The following ALDH1L2 variants were observed in gnomAD, a reference collection of about 807,000 sequenced individuals.
ALDH1L2 encodes aldehyde dehydrogenase 1 family member L2.
In ALDH1L2, 91 loss-of-function variants were observed where a neutral mutation model predicts 111.0. That is an observed-to-expected ratio of 0.82 (90% confidence interval 0.69 to 0.98). ALDH1L2 has a LOEUF of 0.98. ALDH1L2 is among the 50% of genes least tolerant of loss of function. ALDH1L2 has a pLI of 0.00. For synonymous variants in ALDH1L2, 374 were observed against 392.6 expected (o/e 0.95, Z 0.56); for missense variants, 995 against 1,126.8 (o/e 0.88, Z 1.67).
intron 5 of ALDH1L2, 71 bp from the exon 6 acceptor site, chr12:105,065,427 G>A: frequency 2.4e-6 from 3 of 1,250,550 alleles, no homozygotes; most frequent in Middle Eastern, 1.9e-4. Flanking sequence ...AACGCTTCTC[G>A]TCATCAGAGG....
chr12:105,058,354 G>C, intron 9 of ALDH1L2, 134 bp from the exon 10 acceptor site: 1 of 818,056 alleles, frequency 1.2e-6, no homozygotes, highest in Non-Finnish European at 1.7e-6. Flanking sequence ...GAGATCTTCT[G>C]TGATACTCAT....
At position 105,024,395 on chromosome 12, in the gene ALDH1L2, G is replaced by C. The variant is rs773795971; in HGVS notation, c.*29C>G. 6.2e-7 allele frequency: 1 copy of C among 1,612,778 alleles called. No homozygotes were observed. The highest frequency in any genetic ancestry group is 1.3e-5 in the African/African-American group (1 of 74,892). The stretch of plus-strand genomic sequence containing the variant: ...TGTCCAGAGTTGTAAAGGGCTGTCT[G>C]TCAAGGCTTTCCTGATGATGGTGTT... On this transcript the variant is annotated 3_prime_UTR_variant, in exon 23 of 23. Coordinates refer to ENST00000258494, the MANE Select transcript of ALDH1L2 (RefSeq NM_001034173.4).
At position 105,038,287 on chromosome 12, in the gene ALDH1L2, C is replaced by A. The variant is rs796083550; in HGVS notation, c.2046-85G>T. ...ACACACACACACACACAAACACACACACACACACACACACACACACACACA... is the reference window on the plus strand; with the variant it reads ...ACACACACACACACACAAACACACAAACACACACACACACACACACACACA... On this transcript the variant is annotated intron_variant, in intron 17 of 22. Transcript: ENST00000258494. The A allele has an allele frequency of 7.5e-3, 1,243 of 166,324 alleles. 12 individuals carry two copies. The highest frequency in any genetic ancestry group is 0.014 in the South Asian group (140 of 10,136). The allele number at this position is 166,324 out of a possible 1,614,324, so 10.3% of individuals were successfully genotyped here.
chr12:105,054,665 C>T (rs1876502588), intron 10 of ALDH1L2, among the ~76,000 whole-genome samples: 1 of 152,180 alleles, frequency 6.6e-6, no homozygotes, highest in Non-Finnish European at 1.5e-5. Context: ...CCCTGGAAAG[C>T]TCTACTCTCA....
In ALDH1L2 at chr12:105,066,589, G is replaced by A. The variant is rs1285480807; in HGVS notation, c.675C>T (p.Ile225=). The A allele has an allele frequency of 6.2e-7, 1 of 1,614,006 alleles. No homozygotes were observed. Among genetic ancestry groups the A allele is most frequent in the Non-Finnish European group, 8.5e-7 (1 of 1,179,966 alleles). The part of the protein sequence containing the change: ...QPEEGATYEG[I]QKKENAEISW... ...ATACCTCAGCATTTTCCTTTTTCTGGATACCTTCATATGTTGCCCCTTCTT... is the reference window on the plus strand; with the variant it reads ...ATACCTCAGCATTTTCCTTTTTCTGAATACCTTCATATGTTGCCCCTTCTT... The change falls in exon 5 of 23, where the codon ATC becomes ATT. Residue 225 remains isoleucine, a synonymous_variant. Coordinates refer to ENST00000258494, the MANE Select transcript of ALDH1L2 (RefSeq NM_001034173.4).
At chr12:105,058,042 T>G in intron 10 of ALDH1L2, 31 bp downstream of exon 10, 1 of 1,603,584 alleles carries the variant, frequency 6.2e-7, no homozygotes, top group Non-Finnish European at 8.5e-7. Context: ...ATCTCACTGA[T>G]TTAGGGTTGC....
chr12:105,066,744 C>T (rs1416869502), intron 4 of ALDH1L2, 75 bp from the exon 5 acceptor site: 1 of 1,270,008 alleles, frequency 7.9e-7, no homozygotes, highest in Non-Finnish European at 1.1e-6. Flanking sequence ...AAAGTTTCTG[C>T]ATAACAGAAT....
chr12:105,062,735 G>A (rs1877074401), intron 7 of ALDH1L2, among the ~76,000 whole-genome samples, 153 bp downstream of exon 7: 1 of 152,210 alleles, frequency 6.6e-6, no homozygotes, highest in South Asian at 2.1e-4. Flanking sequence ...ATGCAGATCT[G>A]TGGGGCCCAT....
intron 1 of ALDH1L2, among the ~76,000 whole-genome samples, chr12:105,082,142 C>A (rs1361446737): frequency 6.6e-6 from 1 of 152,202 alleles, no homozygotes; most frequent in Non-Finnish European, 1.5e-5. Context: ...AGCAGTGAGT[C>A]AAGATTGTGC....
At chr12:105,079,198 C>T (rs1458554450) in intron 1 of ALDH1L2, among the ~76,000 whole-genome samples, 1 of 152,006 alleles carries the variant, frequency 6.6e-6, no homozygotes, top group Non-Finnish European at 1.5e-5. Context: ...GTAGCATAGT[C>T]ACAGGATATA....
At chr12:105,081,812 G>A (rs1216836626) in intron 1 of ALDH1L2, among the ~76,000 whole-genome samples, 1 of 152,182 alleles carries the variant, frequency 6.6e-6, no homozygotes, top group African/African-American at 2.4e-5. Context: ...GATTTTGCTA[G>A]GTTCTGAAAG....
chr12:105,071,627 TATATATATATATA>T (rs1877703019), intron 2 of ALDH1L2, among the ~76,000 whole-genome samples: 11 of 17,298 alleles, frequency 6.4e-4, no homozygotes, highest in East Asian at 3.8e-3. Context: ...TATATATATA[TATATATATATATA>T]TATTTTTTTT....
chr12:105,022,607 A>T lies in ALDH1L2; in HGVS notation c.*1817T>A, dbSNP rs1874215010. 1 of 152,238 alleles carries T rather than the reference A, an allele frequency of 6.6e-6. No individual in the cohort carries two copies. The highest frequency in any genetic ancestry group is 2.4e-5 in the African/African-American group (1 of 41,468). The allele number at this position is 152,238 out of a possible 1,614,324, so 9.4% of individuals were successfully genotyped here. A position where few individuals can be genotyped will look rare whatever the true frequency, so the allele number is the denominator to read the frequency against. ...TTATAAAAAGGCTTTTGTCACTTTT[A>T]TTCAAATATGAACTGTCATTTTGGG... On this transcript the variant is annotated 3_prime_UTR_variant, in exon 23 of 23. Transcript: ENST00000258494.
At position 105,070,767 on chromosome 12, in the gene ALDH1L2, C is replaced by G. The variant is rs1348060771; in HGVS notation, c.231G>C (p.Lys77Asn). 8.7e-6 allele frequency: 14 copies of G among 1,614,004 alleles called. No homozygotes were observed. Among genetic ancestry groups the G allele is most frequent in the Non-Finnish European group, 1.2e-5 (14 of 1,180,012 alleles). The change falls in exon 3 of 23, where the codon AAG becomes AAC. Residue 77 changes from lysine to asparagine, a missense_variant. By Grantham distance (94) the Lys-to-Asn change is moderately conservative. Transcript: ENST00000258494. ...TGCCCTTGACCCTCCATTTAGGAAGCTTGAACACAGGGGTCCCATCTTTCT... is the reference window on the plus strand; with the variant it reads ...TGCCCTTGACCCTCCATTTAGGAAGGTTGAACACAGGGGTCCCATCTTTCT... ...AAEKDGTPVF[K>N]LPKWRVKGKT...
intron 15 of ALDH1L2, among the ~76,000 whole-genome samples, chr12:105,041,041 G>T (rs1480958028): frequency 6.6e-6 from 1 of 152,096 alleles, no homozygotes; most frequent in African/African-American, 2.4e-5. Context: ...AAATACTTCT[G>T]TGTGCATTTT....
chr12:105,038,922 T>C (rs949990871), intron 17 of ALDH1L2, among the ~76,000 whole-genome samples: 8 of 152,178 alleles, frequency 5.3e-5, no homozygotes, highest in Admixed American at 2.0e-4. Context: ...TACCGAAGCA[T>C]TGGGAGAAAA....
intron 11 of ALDH1L2, 28 bp from the exon 12 acceptor site, chr12:105,052,245 C>T: frequency 6.5e-7 from 1 of 1,539,294 alleles, no homozygotes; most frequent in Non-Finnish European, 8.7e-7. Context: ...AAAATAGGCC[C>T]CATGAGAGAT....
chr12:105,034,218 TC>T (rs1232782204), intron 19 of ALDH1L2, 81 bp downstream of exon 19: 30 of 1,360,972 alleles, frequency 2.2e-5, no homozygotes, highest in Non-Finnish European at 3.0e-5. Context: ...ACCTGAAAAT[TC>T]ATGAACAATC....
chr12:105,082,917 T>G (rs1199873970), intron 1 of ALDH1L2, among the ~76,000 whole-genome samples: 1 of 150,194 alleles, frequency 6.7e-6, no homozygotes, highest in African/African-American at 2.5e-5. Flanking sequence ...CACCACTCAG[T>G]AGCTTCCTTT....
Sources: gnomAD v4.1 joint callset for allele counts (sites outside exome capture counted in the v4.1 genomes callset) on GRCh38, gnomAD v4.1.1 for gene constraint, MANE v1.5 for transcripts, NCBI Gene and HGNC (gene_info 2026-07-23, HGNC 2026-07-21) for gene names.